The following IGF2BP2 variants were observed in gnomAD, a reference collection of about 807,000 sequenced individuals.
IGF2BP2 encodes insulin-like growth factor 2 mRNA-binding protein 2.
In IGF2BP2, 17 loss-of-function variants were observed where a neutral mutation model predicts 75.8. That is an observed-to-expected ratio of 0.22 (90% confidence interval 0.15 to 0.34). IGF2BP2 has a LOEUF of 0.34. Ranked by LOEUF, IGF2BP2 falls within the 10% of genes least tolerant of loss-of-function variation. The pLI is 1.00. For synonymous variants in IGF2BP2, 288 were observed against 295.6 expected, an observed-to-expected ratio of 0.97 and a Z score of 0.26; for missense variants, 516 against 772.4, an observed-to-expected ratio of 0.67 and a Z score of 3.93.
At chr3:185,748,106 G>A (rs143714405) in intron 2 of IGF2BP2, among the ~76,000 whole-genome samples, 54 of 152,068 alleles carry the variant, frequency 3.6e-4, no homozygotes, top group African/African-American at 1.2e-3. Context: ...CCATTTCACC[G>A]TGTTAGCCAG....
At chr3:185,722,234 G>A (rs776884276) in intron 2 of IGF2BP2, 15 of 455,530 alleles carry the variant, frequency 3.3e-5, no homozygotes, top group East Asian at 7.0e-5. Context: ...ATGCCCAGCC[G>A]CAAGTGTTTA....
intron 2 of IGF2BP2, among the ~76,000 whole-genome samples, chr3:185,731,132 T>A (rs1439868007): frequency 1.3e-5 from 2 of 152,146 alleles, no homozygotes; most frequent in Non-Finnish European, 2.9e-5. Context: ...GATTCCTCAG[T>A]AATTTTTAAG....
chr3:185,651,041 T>TG (rs1239597026), intron 13 of IGF2BP2, among the ~76,000 whole-genome samples: 3 of 152,188 alleles, frequency 2.0e-5, no homozygotes. Context: ...CCCAAGTAGC[T>TG]GGGACTACAG....
chr3:185,745,507 G>C (rs1191758672), intron 2 of IGF2BP2, among the ~76,000 whole-genome samples: 2 of 152,168 alleles, frequency 1.3e-5, no homozygotes, highest in Admixed American at 6.5e-5. Flanking sequence ...CCCACCCCCA[G>C]AGGTGGCTGG....
Position 185,647,374 on chromosome 3 carries a change from C to T in IGF2BP2, c.1594-236G>A, listed in dbSNP as rs1185546020. Among the ~76,000 whole-genome samples, 1 of 152,110 alleles carries T rather than the reference C, an allele frequency of 6.6e-6. No individual in the cohort carries two copies. The highest frequency in any genetic ancestry group is 1.5e-5 in the Non-Finnish European group (1 of 68,020). ...GGGAGAGGGAGTCCAGCCACAGATT[C>T]CTGGGGCTGCTTCTGAGGCGAAGTT... is the stretch of plus-strand genomic sequence containing the variant. On this transcript the variant is annotated intron_variant, in intron 14 of 15. Coordinates refer to ENST00000382199, the MANE Select transcript of IGF2BP2 (RefSeq NM_006548.6). This position sits in a 1 kb window ranked among gnomAD's most constrained non-coding sequence, Gnocchi z 4.9.
intron 5 of IGF2BP2, among the ~76,000 whole-genome samples, chr3:185,692,248 T>C (rs1722045872): frequency 1.3e-5 from 2 of 152,188 alleles, no homozygotes; most frequent in South Asian, 4.1e-4. Context: ...ACAAAATTGA[T>C]GTTTTGGTAT....
At chr3:185,683,139 C>T (rs1169613816) in intron 7 of IGF2BP2, among the ~76,000 whole-genome samples, 1 of 152,132 alleles carries the variant, frequency 6.6e-6, no homozygotes. Context: ...CTGTTACATG[C>T]TATAACATGA....
At chr3:185,817,987 C>T (rs543987344) in intron 2 of IGF2BP2, among the ~76,000 whole-genome samples, 2 of 152,244 alleles carry the variant, frequency 1.3e-5, no homozygotes, top group Non-Finnish European at 2.9e-5. Context: ...TAATTTCTAA[C>T]ACTGAAAAGA....
chr3:185,762,951 TTTG>T (rs1310448285), intron 2 of IGF2BP2, among the ~76,000 whole-genome samples: 1 of 152,212 alleles, frequency 6.6e-6, no homozygotes, highest in Non-Finnish European at 1.5e-5. Flanking sequence ...TTACTTTTTA[TTTG>T]TTAAGAAGGT....
intron 2 of IGF2BP2, among the ~76,000 whole-genome samples, chr3:185,789,075 C>A (rs1211501249): frequency 2.0e-5 from 3 of 152,018 alleles, no homozygotes; most frequent in African/African-American, 7.3e-5. Context: ...AGTGTCTATT[C>A]ACAGGCCACT....
chr3:185,687,703 C>T (rs956070368), intron 6 of IGF2BP2, among the ~76,000 whole-genome samples: 4 of 152,226 alleles, frequency 2.6e-5, no homozygotes, highest in Non-Finnish European at 5.9e-5. Flanking sequence ...GTTTCCTTTC[C>T]ATTGGCAGCC....
At chr3:185,649,963 G>T (rs1158931307) in intron 13 of IGF2BP2, among the ~76,000 whole-genome samples, 3 of 152,210 alleles carry the variant, frequency 2.0e-5, no homozygotes, top group Non-Finnish European at 4.4e-5. Flanking sequence ...GGAGGTGATG[G>T]TGGTGGTAAT....
chr3:185,698,567 C>T (rs1173233491), intron 2 of IGF2BP2, among the ~76,000 whole-genome samples: 3 of 152,056 alleles, frequency 2.0e-5, no homozygotes, highest in Admixed American at 1.3e-4. Context: ...ATAGGTGGTG[C>T]GGTCTCGGCT....
chr3:185,814,507 C>G (rs1007600933), intron 2 of IGF2BP2, among the ~76,000 whole-genome samples: 2 of 152,074 alleles, frequency 1.3e-5, no homozygotes, highest in Non-Finnish European at 2.9e-5. Context: ...TGAGGTTAAC[C>G]TGTCCAAAGA....
intron 12 of IGF2BP2, 84 bp downstream of exon 12, chr3:185,657,202 G>A (rs761224043): frequency 1.4e-5 from 12 of 868,390 alleles, no homozygotes; most frequent in South Asian, 8.9e-5. Flanking sequence ...ATGGTGTGGC[G>A]CTGCCTGGGA....
chr3:185,681,188 A>C (rs1051230676), intron 7 of IGF2BP2, among the ~76,000 whole-genome samples: 1 of 152,240 alleles, frequency 6.6e-6, no homozygotes, highest in Non-Finnish European at 1.5e-5. Flanking sequence ...TATATGTAGA[A>C]AGCCTTAAAG....
chr3:185,824,021 G>A (rs1172254446), intron 1 of IGF2BP2, among the ~76,000 whole-genome samples: 3 of 152,156 alleles, frequency 2.0e-5, no homozygotes, highest in African/African-American at 7.2e-5. Context: ...GAGGCGGGGG[G>A]ACGGGCGGCG....
intron 2 of IGF2BP2, among the ~76,000 whole-genome samples, chr3:185,739,545 C>T (rs1056515007): frequency 1.3e-5 from 2 of 152,138 alleles, no homozygotes; most frequent in African/African-American, 4.8e-5. Flanking sequence ...CTACCACCTG[C>T]CGGAATGCAG....
At chr3:185,788,518 T>C (rs149726247) in intron 2 of IGF2BP2, among the ~76,000 whole-genome samples, 27 of 152,084 alleles carry the variant, frequency 1.8e-4, no homozygotes, top group Admixed American at 1.6e-3. Flanking sequence ...TCTCTAAAAG[T>C]AATAATAATA....
Sources: gnomAD v4.1 joint callset for allele counts (sites outside exome capture counted in the v4.1 genomes callset) on GRCh38, gnomAD v4.1.1 for gene constraint, Gnocchi (gnomAD v3.1) non-coding constraint, MANE v1.5 for transcripts, NCBI Gene and HGNC (gene_info 2026-07-23, HGNC 2026-07-21) for gene names.